Variants in LIAT1 observed in about 807,000 individuals in gnomAD.
LIAT1 encodes the protein ligand of ATE1, also known as protein LIAT1.
chr17:410,971 G>A, the LIAT1 span, among the ~76,000 whole-genome samples: 43,942 of 151,814 alleles, frequency 0.29, 8,319 homozygotes, highest in African/African-American at 0.54. Flanking sequence ...AAACGTCTGC[G>A]CCTTCCCCAC....
chr17:413,614 C>G, the LIAT1 span: 7 of 1,543,982 alleles, frequency 4.5e-6, 1 homozygote, highest in South Asian at 1.1e-5. Flanking sequence ...GCTTCCACCC[C>G]GACCCCGAGG....
At chr17:410,479 T>TG in the LIAT1 span, 1 of 1,542,938 alleles carries the variant, frequency 6.5e-7, no homozygotes, top group Non-Finnish European at 8.7e-7. Flanking sequence ...GCGGGGACAA[T>TG]GGGGTACAAG....
chr17:413,103 G>A, the LIAT1 span: 1 of 1,596,066 alleles, frequency 6.3e-7, no homozygotes, highest in Non-Finnish European at 8.5e-7. Context: ...AGCAGGCCAA[G>A]GTCAGACATT....
At chr17:410,744 T>C in the LIAT1 span, 1 of 1,194,380 alleles carries the variant, frequency 8.4e-7, no homozygotes, top group East Asian at 2.5e-5. Flanking sequence ...AAACAGAAGC[T>C]CAGTGGTCCC....
the LIAT1 span, chr17:410,357 C>G: frequency 4.0e-6 from 6 of 1,499,330 alleles, no homozygotes; most frequent in Admixed American, 1.3e-4. Context: ...AGACGCGTGG[C>G]CCTGGCCTGG....
chr17:414,253 C>A, the LIAT1 span: 1 of 1,104,378 alleles, frequency 9.1e-7, no homozygotes, highest in Non-Finnish European at 1.3e-6. The surrounding 1 kb of genome is among the most constrained non-coding windows in gnomAD (Gnocchi z 4.1). Flanking sequence ...GCCGACTCTC[C>A]CATCACCAAG....
At chr17:413,224 G>T in the LIAT1 span, 157 of 1,614,224 alleles carry the variant, frequency 9.7e-5, 1 homozygote, top group African/African-American at 1.9e-3. Flanking sequence ...CTTGCAAAGA[G>T]CGTGGCCCGA....
At chr17:410,666 C>T in the LIAT1 span, 47 of 1,535,258 alleles carry the variant, frequency 3.1e-5, no homozygotes, top group East Asian at 9.0e-4. Flanking sequence ...GCAGCTAGCC[C>T]GGCTGCGTCA....
At chr17:410,470 C>T in the LIAT1 span, 34 of 1,541,650 alleles carry the variant, frequency 2.2e-5, no homozygotes, top group South Asian at 3.9e-4. Flanking sequence ...CGCGGTGGGG[C>T]GGGGACAATG....
chr17:412,753 G>A, the LIAT1 span, among the ~76,000 whole-genome samples: 1 of 152,194 alleles, frequency 6.6e-6, no homozygotes, highest in Non-Finnish European at 1.5e-5. Flanking sequence ...AGCACATGGC[G>A]AGGATGGATG....
At chr17:413,589 C>A in the LIAT1 span, 5 of 1,519,426 alleles carry the variant, frequency 3.3e-6, no homozygotes, top group Non-Finnish European at 4.4e-6. Flanking sequence ...CACCCCGACC[C>A]CGAGGCTCTC....
At chr17:412,430 A>G in the LIAT1 span, among the ~76,000 whole-genome samples, 1 of 152,202 alleles carries the variant, frequency 6.6e-6, no homozygotes, top group Non-Finnish European at 1.5e-5. Flanking sequence ...GGCACCAGAT[A>G]GTTTCCAGGG....
chr17:411,190 C>T, the LIAT1 span, among the ~76,000 whole-genome samples: 1 of 152,200 alleles, frequency 6.6e-6, no homozygotes, highest in Non-Finnish European at 1.5e-5. Flanking sequence ...CTCCCCCTCG[C>T]ACCCACCAAG....
At chr17:413,277 C>T in the LIAT1 span, 2 of 1,614,118 alleles carry the variant, frequency 1.2e-6, no homozygotes, top group African/African-American at 1.3e-5. Flanking sequence ...AAGCACCTCC[C>T]TTCTGACTCC....
At chr17:410,495 C>A in the LIAT1 span, 3 of 1,544,152 alleles carry the variant, frequency 1.9e-6, no homozygotes, top group East Asian at 2.4e-5. Context: ...ACAAGGACAA[C>A]GACGGCGAGG....
At chr17:410,755 G>A in the LIAT1 span, 2 of 1,034,236 alleles carry the variant, frequency 1.9e-6, no homozygotes, top group Non-Finnish European at 2.8e-6. Context: ...CAGTGGTCCC[G>A]GACCGAGGTC....
the LIAT1 span, among the ~76,000 whole-genome samples, chr17:411,118 G>T: frequency 6.6e-6 from 1 of 152,012 alleles, no homozygotes; most frequent in African/African-American, 2.4e-5. Context: ...CTGCCTGCCT[G>T]TGGATGCGCG....
At chr17:410,482 G>T in the LIAT1 span, 2 of 1,543,938 alleles carry the variant, frequency 1.3e-6, no homozygotes, top group Non-Finnish European at 1.7e-6. Context: ...GGGACAATGG[G>T]GTACAAGGAC....
the LIAT1 span, among the ~76,000 whole-genome samples, chr17:411,539 A>T: frequency 6.6e-6 from 1 of 152,148 alleles, no homozygotes; most frequent in Non-Finnish European, 1.5e-5. Context: ...TCTCTCAAAA[A>T]AACAAACAAG....
Sources: allele counts gnomAD v4.1 joint callset (sites outside exome capture counted in the v4.1 genomes callset), GRCh38; gene constraint gnomAD v4.1.1; non-coding constraint Gnocchi (gnomAD v3.1); transcripts MANE v1.5; gene names NCBI Gene and HGNC (gene_info 2026-07-23, HGNC 2026-07-21).